Variants in NTM observed in about 807,000 individuals in gnomAD.
The protein encoded by NTM is IgLON family member 2.
In NTM, 13 loss-of-function variants were observed where a neutral mutation model predicts 42.1. That is an observed-to-expected ratio of 0.31 (90% CI 0.20 to 0.49). The LOEUF is 0.49. NTM is among the 20% of genes least tolerant of loss of function. The pLI, the probability that NTM is intolerant of heterozygous loss-of-function variation, is 0.99. For missense variants in NTM, 373 were observed against 452.8 expected (o/e 0.82, Z 1.60); for synonymous variants, 187 against 179.2 (o/e 1.04, Z -0.35).
chr11:131,935,114 T>C (rs756468859), intron 2 of NTM, among the ~76,000 whole-genome samples: 6 of 152,200 alleles, frequency 3.9e-5, no homozygotes, highest in Non-Finnish European at 7.3e-5. Flanking sequence ...TGAAGCAGAC[T>C]AAGCTGATGG....
intron 1 of NTM, among the ~76,000 whole-genome samples, chr11:131,561,677 A>T (rs1379544935): frequency 6.7e-6 from 1 of 149,296 alleles, no homozygotes; most frequent in African/African-American, 2.5e-5. Flanking sequence ...TGAGAGAACA[A>T]TTTGTTAGTA....
At chr11:131,385,704 A>T (rs192135173) in intron 1 of NTM, among the ~76,000 whole-genome samples, 23 of 152,310 alleles carry the variant, frequency 1.5e-4, no homozygotes, top group African/African-American at 3.8e-4. Flanking sequence ...AAATTTTTTT[A>T]AAATTATCCA....
At chr11:132,236,737 T>C (rs1392368018) in intron 4 of NTM, among the ~76,000 whole-genome samples, 1 of 152,172 alleles carries the variant, frequency 6.6e-6, no homozygotes, top group Admixed American at 6.5e-5. Context: ...TGCTCAGAAG[T>C]GTCCGAGAAT....
intron 3 of NTM, among the ~76,000 whole-genome samples, chr11:132,158,775 C>T (rs1246270271): frequency 1.3e-5 from 2 of 152,180 alleles, no homozygotes; most frequent in Non-Finnish European, 2.9e-5. Context: ...TAGTCTCAGA[C>T]CAGGTGACAT....
chr11:132,190,384 G>A (rs1843775092), intron 3 of NTM, among the ~76,000 whole-genome samples: 1 of 152,126 alleles, frequency 6.6e-6, no homozygotes, highest in South Asian at 2.1e-4. Flanking sequence ...TGGATAAAGA[G>A]CATTTCAGGA....
In NTM at chr11:131,661,294, A is replaced by G. The variant is rs1257056109; in HGVS notation, c.83-250270A>G. 4.4e-5 allele frequency: 12 copies of G among 270,096 alleles called. No homozygotes were observed. The East Asian group carries it at 8.8e-4, about 20-fold the overall frequency. The allele number at this position is 270,096 out of a possible 1,614,324, so 16.7% of individuals were successfully genotyped here. ...ATTTGAGGTTTTGCACGCTAATGCT[A>G]TGTGTCAGCTACATTGCTGTGAGTA... On this transcript the variant is annotated intron_variant, in intron 1 of 8. Coordinates refer to ENST00000683400, the MANE Select transcript of NTM (RefSeq NM_001352005.2).
chr11:131,804,909 T>G lies in NTM; in HGVS notation c.83-106655T>G, dbSNP rs141883736. 3.9e-5 allele frequency among the ~76,000 whole-genome samples: 6 copies of G among 152,264 alleles called. 1 individual carries two copies. Among genetic ancestry groups the G allele is most frequent in the African/African-American group, 7.2e-5 (3 of 41,552 alleles). On this transcript the variant is annotated intron_variant, in intron 1 of 8. Transcript: ENST00000683400. ...TTCGCCCCTTCTGACCTTCCTGCCA[T>G]GGAAAGACACAGCGTTCCTTCCTTC...
intron 2 of NTM, among the ~76,000 whole-genome samples, chr11:132,125,572 G>GTGTGTGTGT (rs2065601547): frequency 7.3e-6 from 1 of 136,726 alleles, no homozygotes; most frequent in Non-Finnish European, 1.6e-5. Context: ...GGTGGGGTAT[G>GTGTGTGTGT]AATGTGTATG....
At chr11:131,525,721 G>GA (rs1324250333) in intron 1 of NTM, among the ~76,000 whole-genome samples, 1 of 152,180 alleles carries the variant, frequency 6.6e-6, no homozygotes, top group Non-Finnish European at 1.5e-5. Context: ...TCTGGGTTCA[G>GA]ATCCCAGCTT....
At chr11:131,828,056 C>A (rs1163983332) in intron 1 of NTM, among the ~76,000 whole-genome samples, 7 of 151,788 alleles carry the variant, frequency 4.6e-5, no homozygotes. Flanking sequence ...ATATCTCACT[C>A]AACATATAGG....
intron 1 of NTM, among the ~76,000 whole-genome samples, chr11:131,891,695 T>C (rs2051365549): frequency 6.6e-6 from 1 of 152,194 alleles, no homozygotes; most frequent in Non-Finnish European, 1.5e-5. Context: ...GCAGTGTCTA[T>C]AAATCCCATG....
intron 1 of NTM, among the ~76,000 whole-genome samples, chr11:131,830,216 T>C (rs917440124): frequency 1.3e-5 from 2 of 152,164 alleles, no homozygotes; most frequent in Non-Finnish European, 2.9e-5. Flanking sequence ...TTTGTTGCAA[T>C]TGTTTTTGAG....
At chr11:131,909,343 C>G in intron 1 of NTM, among the ~76,000 whole-genome samples, 1 of 152,152 alleles carries the variant, frequency 6.6e-6, no homozygotes, top group East Asian at 1.9e-4. Flanking sequence ...TCGAAGGTTG[C>G]CAGAATGAGT....
At chr11:131,912,046 G>A (rs1266393064) in intron 2 of NTM, among the ~76,000 whole-genome samples, 2 of 152,170 alleles carry the variant, frequency 1.3e-5, no homozygotes, top group East Asian at 3.9e-4. Context: ...CCAAAGGAGG[G>A]GTCTGGCTTG....
chr11:132,243,287 T>C (rs1005827691), intron 4 of NTM, among the ~76,000 whole-genome samples: 3 of 152,174 alleles, frequency 2.0e-5, no homozygotes, highest in Non-Finnish European at 4.4e-5. Flanking sequence ...TCTCAGAGAA[T>C]TTAGGTTCAT....
intron 1 of NTM, among the ~76,000 whole-genome samples, chr11:131,614,661 C>T (rs1478420793): frequency 6.6e-6 from 1 of 152,232 alleles, no homozygotes; most frequent in Non-Finnish European, 1.5e-5. Flanking sequence ...GCCATCGTCA[C>T]TGCTTTGTCA....
At chr11:132,180,642 T>C (rs2077435436) in intron 3 of NTM, among the ~76,000 whole-genome samples, 1 of 152,126 alleles carries the variant, frequency 6.6e-6, no homozygotes, top group Non-Finnish European at 1.5e-5. Flanking sequence ...TCTCAAGCTC[T>C]CAGACTTTTC....
At chr11:131,929,324 G>GGGGT (rs111265327) in intron 2 of NTM, among the ~76,000 whole-genome samples, 21,897 of 141,134 alleles carry the variant, frequency 0.16, 1,752 homozygotes, top group African/African-American at 0.23. Context: ...CTGAACCAAC[G>GGGGT]GGGGGGCACA....
intron 1 of NTM, among the ~76,000 whole-genome samples, chr11:131,461,263 T>C (rs1385752594): frequency 6.6e-6 from 1 of 152,206 alleles, no homozygotes; most frequent in Non-Finnish European, 1.5e-5. Context: ...CCCTTATTGT[T>C]GCAAAGTAGA....
Sources: gnomAD v4.1 joint callset for allele counts (sites outside exome capture counted in the v4.1 genomes callset) on GRCh38, gnomAD v4.1.1 for gene constraint, MANE v1.5 for transcripts, NCBI Gene and HGNC (gene_info 2026-07-23, HGNC 2026-07-21) for gene names.